Variants in CD53 observed in about 807,000 individuals in gnomAD.
The protein encoded by CD53 is CD53 molecule.
A neutral mutation model predicts 27.3 loss-of-function variants in CD53; 20 were observed. The observed-to-expected ratio is 0.73, with a 90% CI of 0.52 to 1.07. The LOEUF is 1.07. Ranked by LOEUF, CD53 falls within the 50% of genes least tolerant of loss-of-function variation. The probability of loss-of-function intolerance (pLI) is 0.00; values close to 1 mark genes in which losing one functional copy is unlikely to be tolerated. For synonymous variants in CD53, 106 were observed against 105.3 expected (o/e 1.01, Z -0.04); for missense variants, 216 against 264.0 (o/e 0.82, Z 1.26).
At position 110,894,420 on chromosome 1, in the gene CD53, A is replaced by G. The variant is rs765836932; in HGVS notation, c.327+19A>G. ...ACAGAAGGTAAGTTATAAAGACAAC[A>G]ACTTATTGTCTTAATACTGAAAGTG... On this transcript the variant is annotated intron_variant, in intron 4 of 7. Transcript: ENST00000271324. 6.3e-7 allele frequency: 1 copy of G among 1,589,516 alleles called. No individual in the cohort carries two copies. Among genetic ancestry groups the G allele is most frequent in the African/African-American group, 1.3e-5 (1 of 74,522 alleles).
chr1:110,898,620 C>G (rs1305731325), intron 7 of CD53, among the ~76,000 whole-genome samples: 2 of 151,888 alleles, frequency 1.3e-5, no homozygotes, highest in Non-Finnish European at 2.9e-5. Flanking sequence ...CTTAGTTTGA[C>G]AAGTGATGGG....
intron 1 of CD53, among the ~76,000 whole-genome samples, chr1:110,885,317 G>C (rs190569690): frequency 3.9e-5 from 6 of 152,220 alleles, no homozygotes; most frequent in Non-Finnish European, 8.8e-5. Context: ...TTGGGAGGCC[G>C]AGGCGGGCGG....
intron 1 of CD53, among the ~76,000 whole-genome samples, chr1:110,886,255 T>C (rs535874064): frequency 6.6e-6 from 1 of 152,292 alleles, no homozygotes; most frequent in South Asian, 2.1e-4. Context: ...CCATAACATG[T>C]CTTTTTTTCC....
At chr1:110,898,033 C>A in intron 7 of CD53, 141 bp downstream of exon 7, 1 of 509,780 alleles carries the variant, frequency 2.0e-6, no homozygotes, top group African/African-American at 2.0e-5. Flanking sequence ...AGCCAAGTAG[C>A]AAATAATGTA....
intron 1 of CD53, among the ~76,000 whole-genome samples, chr1:110,886,949 A>C (rs915237605): frequency 6.7e-6 from 1 of 149,234 alleles, no homozygotes; most frequent in Admixed American, 6.7e-5. Context: ...CTTCAGCAAT[A>C]TCTAATCTGC....
intron 1 of CD53, among the ~76,000 whole-genome samples, chr1:110,888,518 C>A (rs968992267): frequency 6.6e-6 from 1 of 152,102 alleles, no homozygotes; most frequent in South Asian, 2.1e-4. Flanking sequence ...TTTTGCAGAC[C>A]ATTATTTTAT....
chr1:110,894,145 G>A (rs1442604711), intron 3 of CD53, among the ~76,000 whole-genome samples, 182 bp from the exon 4 acceptor site: 2 of 152,218 alleles, frequency 1.3e-5, no homozygotes, highest in Non-Finnish European at 1.5e-5. Flanking sequence ...CTGCCCTCTA[G>A]AGTCTAATTG....
At chr1:110,877,392 C>T (rs1158465281) in intron 1 of CD53, among the ~76,000 whole-genome samples, 4 of 152,154 alleles carry the variant, frequency 2.6e-5, no homozygotes, top group African/African-American at 7.2e-5. Context: ...CGAGGGACCC[C>T]GTATGTAAAG....
Position 110,891,328 on chromosome 1 carries a change from G to A in CD53, c.-17-64G>A, listed in dbSNP as rs1444176233. On this transcript the variant is annotated intron_variant, in intron 1 of 7. Transcript: ENST00000271324. ...ATGCTAGAGATCCCTGAACATTTGT[G>A]CACTCTGATCTCTGGCTACCTTACA... The A allele has an allele frequency of 2.6e-5, 28 of 1,092,236 alleles. No homozygotes were observed. The East Asian group carries it at 6.6e-4, about 26-fold the overall frequency. The allele number at this position is 1,092,236 out of a possible 1,614,324, so 67.7% of individuals were successfully genotyped here.
In CD53 at chr1:110,873,733, G is replaced by A. The variant is rs1034553688; in HGVS notation, c.-18+485G>A. Among the ~76,000 whole-genome samples, 7 of 152,258 alleles carry A rather than the reference G, an allele frequency of 4.6e-5. 1 individual carries two copies. Among genetic ancestry groups the A allele is most frequent in the Admixed American group, 4.6e-4 (7 of 15,292 alleles). On this transcript the variant is annotated intron_variant, in intron 1 of 7. Transcript: ENST00000271324. ...AGTAAATTTAGTGACTCCCACTGTG[G>A]TTCTTCAAAGCCACTAAATAGAAAG...
chr1:110,874,137 T>G (rs1297016650), intron 1 of CD53, among the ~76,000 whole-genome samples: 2 of 152,188 alleles, frequency 1.3e-5, no homozygotes, highest in Non-Finnish European at 2.9e-5. Context: ...CACTTGATTA[T>G]GCCCTGGAGC....
At chr1:110,892,914 T>A (rs1656913976) in intron 3 of CD53, 1 of 178,058 alleles carries the variant, frequency 5.6e-6, no homozygotes, top group Admixed American at 5.4e-5. Context: ...TGAGAGTCGC[T>A]AACTAATGGA....
rs748933796 is a variant in CD53 at position 110,892,533 on chromosome 1, G to A, written c.252G>A (p.Ser84=). 5.6e-6 allele frequency: 9 copies of A among 1,612,138 alleles called. No homozygotes were observed. Among genetic ancestry groups the A allele is most frequent in the Non-Finnish European group, 7.6e-6 (9 of 1,178,756 alleles). ...SIKENKCLLM[S]FFILLLIILL... ...AGGAAAACAAGTGTCTGCTTATGTC[G>A]GTGAGTCCTTACAGCAGATGTGGTG... The change falls in exon 3 of 8, where the codon TCG becomes TCA. Residue 84 remains serine, a splice_region_variant and synonymous_variant. Transcript: ENST00000271324.
chr1:110,897,816 A>G lies in CD53; in HGVS notation c.512A>G (p.Tyr171Cys). ...AACTGAAATGTCTTCTAGGGTTGCT[A>G]TGCGAAAGCAAGACTGTGGTTTCAT... ...CPSDRKVEGCYAKARLWFHSN... is the reference protein window; with the variant it reads ...CPSDRKVEGCCAKARLWFHSN... Residue 171 changes from tyrosine to cysteine, a missense_variant, in exon 7 of 8, where the codon TAT becomes TGT. Physicochemically the swap from Tyr to Cys is radical, Grantham distance 194 (BLOSUM62 -2). Coordinates refer to ENST00000271324, the MANE Select transcript of CD53 (RefSeq NM_000560.4). The G allele has an allele frequency of 6.2e-7, 1 of 1,602,396 alleles. No homozygotes were observed. The highest frequency in any genetic ancestry group is 8.5e-7 in the Non-Finnish European group (1 of 1,169,750).
intron 4 of CD53, among the ~76,000 whole-genome samples, chr1:110,894,641 T>TG (rs1427591017): frequency 6.6e-6 from 1 of 152,222 alleles, no homozygotes; most frequent in African/African-American, 2.4e-5. Context: ...TTCCTCTACT[T>TG]GCTTTCCTCT....
intron 6 of CD53, chr1:110,897,562 A>G (rs1657119604): frequency 6.1e-6 from 2 of 327,694 alleles, no homozygotes; most frequent in South Asian, 1.3e-4. Context: ...AGTTTAACTC[A>G]GCGGGTAAGG....
intron 1 of CD53, among the ~76,000 whole-genome samples, chr1:110,889,674 ACCAC>A (rs925670299): frequency 4.6e-5 from 7 of 152,176 alleles, no homozygotes; most frequent in Admixed American, 3.3e-4. Flanking sequence ...AATATTCACA[ACCAC>A]CCTATAAGGG....
rs566382531 is a variant in CD53 at position 110,884,868 on chromosome 1, A to G, written c.-17-6524A>G. Among the ~76,000 whole-genome samples the G allele has an allele frequency of 2.6e-5, 4 of 152,014 alleles. No individual in the cohort carries two copies. In the South Asian group the frequency reaches 8.3e-4, roughly 32 times the overall value. On this transcript the variant is annotated intron_variant, in intron 1 of 7. Transcript: ENST00000271324. ...TTAAATGCATTTTTTTGTAAACAACATAATTGGGTCTTGTTTTTTCAATCC... is the reference window on the plus strand; with the variant it reads ...TTAAATGCATTTTTTTGTAAACAACGTAATTGGGTCTTGTTTTTTCAATCC...
chr1:110,875,581 G>A (rs568999236), intron 1 of CD53, among the ~76,000 whole-genome samples: 5 of 152,134 alleles, frequency 3.3e-5, no homozygotes, highest in African/African-American at 1.2e-4. Flanking sequence ...TCAGCCTAGG[G>A]CACTTCTTGT....
Sources: gnomAD v4.1 joint callset for allele counts (sites outside exome capture counted in the v4.1 genomes callset) on GRCh38, gnomAD v4.1.1 for gene constraint, MANE v1.5 for transcripts, NCBI Gene and HGNC (gene_info 2026-07-23, HGNC 2026-07-21) for gene names.